SLC25A45: variants seen among roughly 807,000 people sequenced by gnomAD.
SLC25A45 encodes the protein solute carrier family 25 member 45.
A neutral mutation model predicts 23.0 loss-of-function variants in SLC25A45; 22 were observed. The observed-to-expected ratio is 0.95, with a 90% CI of 0.68 to 1.36. The LOEUF (loss-of-function observed/expected upper bound fraction) is 1.36, where lower values mean the gene tolerates loss of function less well. SLC25A45 is among the 40% of genes most tolerant of loss of function. The probability of loss-of-function intolerance (pLI) is 0.00; values close to 1 mark genes in which losing one functional copy is unlikely to be tolerated. For missense variants in SLC25A45, 355 were observed against 383.5 expected, an observed-to-expected ratio of 0.93 and a Z score of 0.62; for synonymous variants, 136 against 155.0, an observed-to-expected ratio of 0.88 and a Z score of 0.91.
In SLC25A45 at chr11:65,376,453, G is replaced by A. The variant is rs1322913701; in HGVS notation, c.821C>T (p.Ala274Val). 1.2e-6 allele frequency: 2 copies of A among 1,614,214 alleles called. No individual in the cohort carries two copies. The highest frequency in any genetic ancestry group is 1.7e-6 in the Non-Finnish European group (2 of 1,180,034). ...ATATTCGTAGCTGAGGAAGGTGACA[G>A]CATTGACGGGAAAGGCGCGGGCACT... ...INSARAFPVN[A>V]VTFLSYEYLL... The change falls in exon 7 of 7, where the codon GCT (alanine) becomes GTT (valine). Residue 274 changes from alanine to valine, a missense_variant. Ala to Val is a moderately conservative substitution (Grantham distance 64). Transcript: ENST00000398802.
Position 65,382,128 on chromosome 11 carries a change from G to A in SLC25A45, c.-18-159C>T, listed in dbSNP as rs976301050. The stretch of plus-strand genomic sequence containing the variant: ...TGGCAGAGGAGAGCGAGCCAGTTCC[G>A]GTGACCCTGGCCACCTGGAGGAGTC... On this transcript the variant is annotated intron_variant, in intron 1 of 6. Transcript: ENST00000398802. This position sits in a 1 kb window ranked among gnomAD's most constrained non-coding sequence, Gnocchi z 4.4. The A allele has an allele frequency of 1.9e-5, 12 of 644,692 alleles. No individual in the cohort carries two copies. The highest frequency in any genetic ancestry group is 1.6e-4 in the Admixed American group (7 of 44,012). The allele number at this position is 644,692 out of a possible 1,614,324, so 39.9% of individuals were successfully genotyped here. A position where few individuals can be genotyped will look rare whatever the true frequency, so the allele number is the denominator to read the frequency against.
chr11:65,382,061 C>T lies in SLC25A45; in HGVS notation c.-18-92G>A, dbSNP rs549930266. The T allele has an allele frequency of 3.7e-5, 37 of 1,006,338 alleles. No individual in the cohort carries two copies. The highest frequency in any genetic ancestry group is 2.5e-4 in the Middle Eastern group (1 of 3,942). The allele number at this position is 1,006,338 out of a possible 1,614,324, so 62.3% of individuals were successfully genotyped here. ...ACCTCCCACTAATGTTTAACCCTGG[C>T]GGGAAGGTGAGAATTGGCCTGGTGC... On this transcript the variant is annotated intron_variant, in intron 1 of 6. Transcript: ENST00000398802. This position sits in a 1 kb window ranked among gnomAD's most constrained non-coding sequence, Gnocchi z 4.4.
In SLC25A45 at chr11:65,376,913, C is replaced by G; in HGVS notation, c.503G>C (p.Trp168Ser). 1 of 1,613,976 alleles carries G rather than the reference C, an allele frequency of 6.2e-7. No homozygotes were observed. The highest frequency in any genetic ancestry group is 8.5e-7 in the Non-Finnish European group (1 of 1,179,930). The change falls in exon 6 of 7, where the codon TGG (tryptophan) becomes TCG (serine). Residue 168 changes from tryptophan to serine, a missense_variant. Transcript: ENST00000398802. ...GGGGGTGTCCCTCAGCGTCAGGGCC[C>G]AGGCTCCTCGGAACAGCCCCCGGGG... is the stretch of plus-strand genomic sequence containing the variant. ...EGPRGLFRGA[W>S]ALTLRDTPTV... is the part of the protein sequence containing the mutation.
intron 2 of SLC25A45, chr11:65,380,639 G>C: frequency 7.8e-7 from 1 of 1,286,932 alleles, no homozygotes; most frequent in Non-Finnish European, 1.0e-6. Context: ...GGCCCTGATG[G>C]GGGTCATGCC....
chr11:65,381,830 C>G (rs1028185991), intron 2 of SLC25A45, 85 bp downstream of exon 2: 2 of 1,567,554 alleles, frequency 1.3e-6, no homozygotes, highest in African/African-American at 2.7e-5. Flanking sequence ...AGACTTTGGT[C>G]TCTGCTCCTC....
rs1354558883 is a variant in SLC25A45, at chr11:65,375,298, G to C, written c.*1109C>G. On this transcript the variant is annotated 3_prime_UTR_variant, in exon 7 of 7. Coordinates refer to ENST00000398802, the MANE Select transcript of SLC25A45 (RefSeq NM_182556.4). Reference sequence around the variant, plus strand: ...CCTCAGGCAGCTCACAGTCCAGTGGGGAAGCCGAGAAGCAAATTAATGACT... The same window carrying C: ...CCTCAGGCAGCTCACAGTCCAGTGGCGAAGCCGAGAAGCAAATTAATGACT... 6.6e-6 allele frequency: 1 copy of C among 152,426 alleles called. No individual in the cohort carries two copies. The highest frequency in any genetic ancestry group is 2.4e-5 in the African/African-American group (1 of 41,456). 9.4% of individuals were successfully genotyped at this position (152,426 alleles called of 1,614,324 possible). A position where few individuals can be genotyped will look rare whatever the true frequency, so the allele number is the denominator to read the frequency against.
At chr11:65,381,517 G>T in intron 2 of SLC25A45, 2 of 184,400 alleles carry the variant, frequency 1.1e-5, no homozygotes, top group Non-Finnish European at 2.2e-5. Context: ...CCTCAGCCTC[G>T]CAAAGTGCTG....
At chr11:65,378,673 G>A (rs1424753708) in intron 5 of SLC25A45, 1 of 152,272 alleles carries the variant, frequency 6.6e-6, no homozygotes, top group Non-Finnish European at 1.5e-5. Context: ...AGTGTGACAA[G>A]GAACTGGGGG....
intron 2 of SLC25A45, chr11:65,380,607 A>G (rs1215895219): frequency 1.5e-6 from 2 of 1,293,396 alleles, no homozygotes; most frequent in Non-Finnish European, 2.0e-6. Context: ...CCCTGCTGCC[A>G]GCTGGCCACG....
rs769966592 is a variant in SLC25A45, at chr11:65,379,454, G to T, written c.261C>A (p.Thr87=). The change falls in exon 5 of 7, where the codon ACC becomes ACA. Residue 87 remains threonine, a synonymous_variant. Transcript: ENST00000398802. ...GCTGGGCCCGCCGCTCCTGGTGGGA[G>T]GTGGCCGTGAGCACCAGCAGGGTGT... The part of the protein sequence containing the change: ...YSNTLLVLTA[T]SHQERRAQPP... 6.2e-7 allele frequency: 1 copy of T among 1,614,030 alleles called. No homozygotes were observed. The highest frequency in any genetic ancestry group is 1.3e-5 in the African/African-American group (1 of 75,058).
intron 5 of SLC25A45, chr11:65,378,764 C>T (rs1855357313): frequency 6.5e-6 from 1 of 152,778 alleles, no homozygotes; most frequent in Admixed American, 6.5e-5. Flanking sequence ...TGCTTATGCT[C>T]ACAGGACCCA....
At chr11:65,379,686 A>G (rs925461966) in intron 4 of SLC25A45, 125 bp from the exon 5 acceptor site, 6 of 1,263,978 alleles carry the variant, frequency 4.7e-6, no homozygotes, top group Admixed American at 2.4e-5. Context: ...AAGTGGGGAC[A>G]GGCAGGGATG....
chr11:65,376,277 G>C lies in SLC25A45; in HGVS notation c.*130C>G. The C allele has an allele frequency of 8.4e-7, 1 of 1,187,076 alleles. No individual in the cohort carries two copies. The highest frequency in any genetic ancestry group is 1.2e-6 in the Non-Finnish European group (1 of 845,254). 73.5% of individuals were successfully genotyped at this position (1,187,076 alleles called of 1,614,324 possible). On this transcript the variant is annotated 3_prime_UTR_variant, in exon 7 of 7. Coordinates refer to ENST00000398802, the MANE Select transcript of SLC25A45 (RefSeq NM_182556.4). Reference sequence around the variant, plus strand: ...GTCTGCCCAGCCCAGATCTGCGCGGGTGGGAGGCACCTTGGTTAGGAAGGG... The same window carrying C: ...GTCTGCCCAGCCCAGATCTGCGCGGCTGGGAGGCACCTTGGTTAGGAAGGG...
chr11:65,379,278 G>T, intron 5 of SLC25A45, 98 bp downstream of exon 5: 1 of 1,396,888 alleles, frequency 7.2e-7, no homozygotes. Flanking sequence ...AGAGGCCTAT[G>T]CCTCCACAGC....
rs1855457551 is a variant in SLC25A45, at chr11:65,379,931, A to G, written c.89T>C (p.Leu30Pro). Reference protein sequence around the residue: ...GHPFDTVKVRLQTQTTYRGIV... With the variant: ...GHPFDTVKVRPQTQTTYRGIV... Reference sequence around the variant, plus strand: ...GCCCCGGTAGGTGGTCTGGGTCTGCAGCCTCACCTGGGTGGGAGGACAGAG... The same window carrying G: ...GCCCCGGTAGGTGGTCTGGGTCTGCGGCCTCACCTGGGTGGGAGGACAGAG... The change falls in exon 4 of 7, where the codon CTG (leucine) becomes CCG (proline). Residue 30 changes from leucine (L) to proline (P), a missense_variant. By Grantham distance (98) the Leu-to-Pro change is moderately conservative. Transcript: ENST00000398802. The G allele has an allele frequency of 6.2e-7, 1 of 1,614,076 alleles. No homozygotes were observed. Among genetic ancestry groups the G allele is most frequent in the African/African-American group, 1.3e-5 (1 of 74,936 alleles).
intron 2 of SLC25A45, chr11:65,380,801 C>T (rs1334824606): frequency 6.0e-6 from 2 of 334,416 alleles, no homozygotes; most frequent in East Asian, 8.5e-5. Flanking sequence ...AAGAGGAATG[C>T]CACCCAGAAG....
At chr11:65,377,954 G>A (rs192631189) in intron 5 of SLC25A45, 49 of 152,506 alleles carry the variant, frequency 3.2e-4, no homozygotes, top group African/African-American at 1.1e-3. Flanking sequence ...ATGGCTGATG[G>A]CGACGGGGGC....
intron 5 of SLC25A45, 57 bp from the exon 6 acceptor site, chr11:65,377,133 C>CCTATA (rs1352207422): frequency 1.2e-5 from 19 of 1,557,598 alleles, no homozygotes; most frequent in Non-Finnish European, 1.6e-5. Flanking sequence ...GAACTGGCCC[C>CCTATA]TTATATTCAC....
upstream of SLC25A45, chr11:65,382,787 C>T (rs1855640798): frequency 6.6e-6 from 1 of 152,572 alleles, no homozygotes; most frequent in Non-Finnish European, 1.5e-5. This position sits in a 1 kb window ranked among gnomAD's most constrained non-coding sequence, Gnocchi z 4.4. Flanking sequence ...AGCCTTCTGT[C>T]TCCAGGCCTG....
Sources: allele counts gnomAD v4.1 joint callset, GRCh38; gene constraint gnomAD v4.1.1; non-coding constraint Gnocchi (gnomAD v3.1); transcripts MANE v1.5; gene names NCBI Gene and HGNC (gene_info 2026-07-23, HGNC 2026-07-21).